Variants in HMMR observed in about 807,000 individuals in gnomAD.
HMMR encodes the protein hyaluronan mediated motility receptor, also known as intracellular hyaluronic acid-binding protein.
A neutral mutation model predicts 101.0 loss-of-function variants in HMMR; 108 were observed. The ratio of observed to expected loss-of-function variants is 1.07; its 90% CI spans 0.92 to 1.25. The LOEUF (loss-of-function observed/expected upper bound fraction) is 1.25, where lower values mean the gene tolerates loss of function less well. HMMR is among the 50% of genes most tolerant of loss of function. HMMR has a pLI of 0.00. For missense variants in HMMR, 813 were observed against 788.7 expected, an observed-to-expected ratio of 1.03 and a Z score of -0.37; for synonymous variants, 296 against 276.4, an observed-to-expected ratio of 1.07 and a Z score of -0.70.
intron 9 of HMMR, 84 bp downstream of exon 9, chr5:163,473,641 T>C: frequency 1.3e-6 from 1 of 793,310 alleles, no homozygotes; most frequent in Non-Finnish European, 1.9e-6. Flanking sequence ...TAAAACAACC[T>C]TTTAAATATA....
intron 12 of HMMR, among the ~76,000 whole-genome samples, chr5:163,482,063 C>T (rs1032178518): frequency 6.6e-6 from 1 of 152,146 alleles, no homozygotes; most frequent in Non-Finnish European, 1.5e-5. Context: ...TTACAGGTGT[C>T]CACCACCACG....
Position 163,478,742 on chromosome 5 carries a change from C to T in HMMR, c.1327C>T (p.Gln443Ter). The change falls in exon 12 of 18, where the codon CAG (glutamine) becomes TAG (stop). Residue 443 changes from glutamine to a stop codon, truncating the protein, a stop_gained. Coordinates refer to ENST00000393915, the MANE Select transcript of HMMR (RefSeq NM_001142556.2). LOFTEE classifies it high-confidence loss of function. The part of the protein sequence containing the change: ...AAHTQATLLL[Q>*]EKYDSMVQSL... The stretch of plus-strand genomic sequence containing the variant: ...TCATACCCAGGCCACCCTGCTTTTG[C>T]AGGAAAAGTATGACAGTATGGTGCA... 2.5e-6 allele frequency: 4 copies of T among 1,613,372 alleles called. No homozygotes were observed. Among genetic ancestry groups the T allele is most frequent in the Non-Finnish European group, 3.4e-6 (4 of 1,179,372 alleles).
At position 163,463,897 on chromosome 5, in the gene HMMR, G is replaced by T. The variant is rs778076399; in HGVS notation, c.88G>T (p.Glu30Ter). The change falls in exon 2 of 18, where the codon GAA becomes TAA. Residue 30 changes from glutamate (E) to a stop codon, truncating the protein, a stop_gained. Transcript: ENST00000393915. LOFTEE classifies it high-confidence loss of function. ...SPGAYDVKTL[E>*]VLKGPVSFQK... is the part of the protein sequence containing the mutation. ...AGGTGCTTATGATGTTAAAACTTTA[G>T]AAGTATTGAAAGGACCAGTATCCTT... The T allele has an allele frequency of 5.3e-6, 8 of 1,496,484 alleles. No homozygotes were observed. Among genetic ancestry groups the T allele is most frequent in the Non-Finnish European group, 7.1e-6 (8 of 1,121,588 alleles). 92.7% of individuals were successfully genotyped at this position (1,496,484 alleles called of 1,614,324 possible).
chr5:163,477,119 A>G (rs1273297541), intron 11 of HMMR, among the ~76,000 whole-genome samples: 2 of 152,044 alleles, frequency 1.3e-5, no homozygotes, highest in Non-Finnish European at 2.9e-5. Context: ...TCTCCCATAC[A>G]CTTATTTATT....
intron 12 of HMMR, among the ~76,000 whole-genome samples, chr5:163,479,068 A>G (rs1482452279): frequency 6.6e-6 from 1 of 152,226 alleles, no homozygotes; most frequent in African/African-American, 2.4e-5. Context: ...ATATGCCTGT[A>G]GTCCTAGCCA....
At chr5:163,482,897 G>T in intron 13 of HMMR, 109 bp downstream of exon 13, 4 of 1,315,290 alleles carry the variant, frequency 3.0e-6, no homozygotes, top group Non-Finnish European at 4.2e-6. Context: ...TGCAAATTAA[G>T]AATTTACTCA....
Position 163,461,327 on chromosome 5 carries a change from C to A in HMMR, c.46+589C>A, listed in dbSNP as rs144473412. ...TTTCCCACCAACTCTAAGGGGTAAT[C>A]CTATTATTATTTTATTGATAAAAAG... On this transcript the variant is annotated intron_variant, in intron 1 of 17. Transcript: ENST00000393915. Among the ~76,000 whole-genome samples the A allele has an allele frequency of 8.9e-4, 135 of 152,162 alleles. 1 individual carries two copies. Among genetic ancestry groups the A allele is most frequent in the African/African-American group, 3.1e-3 (130 of 41,522 alleles).
intron 3 of HMMR, 31 bp downstream of exon 3, chr5:163,464,833 T>A: frequency 3.0e-6 from 4 of 1,315,148 alleles, no homozygotes; most frequent in Non-Finnish European, 2.2e-6. Flanking sequence ...AGCTGGTTTA[T>A]CAAGTGTATC....
intron 1 of HMMR, among the ~76,000 whole-genome samples, chr5:163,461,549 C>T (rs1758533827): frequency 6.6e-6 from 1 of 151,984 alleles, no homozygotes; most frequent in African/African-American, 2.4e-5. Flanking sequence ...AATCCCAGCA[C>T]TTTGGGAGGC....
At chr5:163,467,860 A>G (rs978879566) in intron 4 of HMMR, 112 bp downstream of exon 4, 2 of 661,642 alleles carry the variant, frequency 3.0e-6, no homozygotes, top group Non-Finnish European at 5.4e-6. Context: ...TGAGGCAAAC[A>G]TGCCATCCAG....
At chr5:163,466,727 A>G (rs1466401870) in intron 3 of HMMR, among the ~76,000 whole-genome samples, 1 of 152,196 alleles carries the variant, frequency 6.6e-6, no homozygotes, top group African/African-American at 2.4e-5. Context: ...CATCTCATTG[A>G]TAATTTTATA....
Position 163,475,579 on chromosome 5 carries a change from A to G in HMMR, c.1175A>G (p.Lys392Arg). The change falls in exon 11 of 18, where the codon AAG becomes AGG. Residue 392 changes from lysine to arginine, a missense_variant. By Grantham distance (26) the Lys-to-Arg change is conservative. Coordinates refer to ENST00000393915, the MANE Select transcript of HMMR (RefSeq NM_001142556.2). ...GATGAGCTTGATAAATTACAGCAAA[A>G]GGAGGAACAAGCTGAAAGGCTGGTC... ...TLDELDKLQQ[K>R]EEQAERLVKQ... 6.2e-7 allele frequency: 1 copy of G among 1,612,722 alleles called. No individual in the cohort carries two copies. The highest frequency in any genetic ancestry group is 1.1e-5 in the South Asian group (1 of 91,044).
chr5:163,467,961 G>T (rs1184348136), intron 4 of HMMR, among the ~76,000 whole-genome samples: 1 of 152,204 alleles, frequency 6.6e-6, no homozygotes, highest in Non-Finnish European at 1.5e-5. Flanking sequence ...CGAGATTAAA[G>T]ATAGCCCACT....
At chr5:163,464,880 T>A (rs1758649845) in intron 3 of HMMR, 78 bp downstream of exon 3, 2 of 863,790 alleles carry the variant, frequency 2.3e-6, no homozygotes, top group African/African-American at 1.7e-5. Context: ...TTGATTAGAA[T>A]GGGTTAAGTG....
At chr5:163,486,940 G>A (rs1168279212) in intron 16 of HMMR, among the ~76,000 whole-genome samples, 1 of 152,210 alleles carries the variant, frequency 6.6e-6, no homozygotes, top group Non-Finnish European at 1.5e-5. Flanking sequence ...TTAGCTAGGT[G>A]TGGCGGCGGG....
chr5:163,483,402 T>G (rs896310480), intron 15 of HMMR, 35 bp downstream of exon 15: 3 of 1,116,480 alleles, frequency 2.7e-6, no homozygotes, highest in Non-Finnish European at 4.0e-6. Context: ...CTTGTGTTTA[T>G]TTTAGGGACT....
chr5:163,473,212 A>C lies in HMMR; in HGVS notation c.684A>C (p.Lys228Asn). 2 of 1,572,496 alleles carry C rather than the reference A, an allele frequency of 1.3e-6. No homozygotes were observed. Among genetic ancestry groups the C allele is most frequent in the Non-Finnish European group, 8.7e-7 (1 of 1,144,538 alleles). Residue 228 changes from lysine (K) to asparagine (N), a missense_variant, in exon 8 of 18, where the codon AAA becomes AAC. Lys to Asn is a moderately conservative substitution (Grantham distance 94, BLOSUM62 0). Transcript: ENST00000393915. ...TAGAGAAAGAAAAGATTGATGAAAA[A>C]TCTGAAACAGAAAAACTCTTGGAAT... ...VSIEKEKIDE[K>N]SETEKLLEYI...
chr5:163,485,259 G>A (rs1021803386), intron 16 of HMMR, among the ~76,000 whole-genome samples: 2 of 152,152 alleles, frequency 1.3e-5, no homozygotes, highest in African/African-American at 4.8e-5. Flanking sequence ...AGGTCAGGCT[G>A]TATTCAAAAG....
At chr5:163,474,306 T>G in intron 10 of HMMR, 101 bp downstream of exon 10, 1 of 868,036 alleles carries the variant, frequency 1.2e-6, no homozygotes. Flanking sequence ...GATCTACCAA[T>G]TCTATCTTTA....
Sources: allele counts gnomAD v4.1 joint callset (sites outside exome capture counted in the v4.1 genomes callset), GRCh38; gene constraint gnomAD v4.1.1; transcripts MANE v1.5; gene names NCBI Gene and HGNC (gene_info 2026-07-23, HGNC 2026-07-21).